The following LRRC28 variants were observed in gnomAD, a reference collection of about 807,000 sequenced individuals.
LRRC28 encodes the protein leucine-rich repeat-containing protein 28.
LRRC28 carries 39 observed loss-of-function variants against 45.7 expected under a neutral mutation model. That is an observed-to-expected ratio of 0.85 (90% CI 0.66 to 1.12). The LOEUF is 1.12. LRRC28 is among the 50% of genes most tolerant of loss of function. The pLI is 0.00. For missense variants in LRRC28, 435 were observed against 438.5 expected (o/e 0.99, Z 0.07); for synonymous variants, 206 against 178.8 (o/e 1.15, Z -1.22).
At chr15:99,281,834 T>A (rs2081800996) in intron 3 of LRRC28, among the ~76,000 whole-genome samples, 1 of 152,200 alleles carries the variant, frequency 6.6e-6, no homozygotes, top group African/African-American at 2.4e-5. Context: ...CTTGAATACC[T>A]CAAATGATCA....
In LRRC28 at chr15:99,387,855, C is replaced by T. The variant is rs1382855526; in HGVS notation, c.*1753C>T. ...TGACTTTATAATGCTACGCTCTTAACAGTGCCAAAAATCCTACATAGTTAC... is the reference window on the plus strand; with the variant it reads ...TGACTTTATAATGCTACGCTCTTAATAGTGCCAAAAATCCTACATAGTTAC... On this transcript the variant is annotated 3_prime_UTR_variant, in exon 10 of 10. Transcript: ENST00000301981. 1.3e-5 allele frequency: 2 copies of T among 152,130 alleles called. No individual in the cohort carries two copies. The highest frequency in any genetic ancestry group is 2.9e-5 in the Non-Finnish European group (2 of 68,020). The allele number at this position is 152,130 out of a possible 1,614,324, so 9.4% of individuals were successfully genotyped here. A position where few individuals can be genotyped will look rare whatever the true frequency, so the allele number is the denominator to read the frequency against.
intron 5 of LRRC28, among the ~76,000 whole-genome samples, chr15:99,315,002 C>T (rs1190729958): frequency 1.3e-5 from 2 of 152,052 alleles, no homozygotes; most frequent in East Asian, 1.9e-4. Flanking sequence ...ATTTTATTTA[C>T]ATAGGGTGTT....
chr15:99,339,955 T>A (rs1956452028), intron 6 of LRRC28, among the ~76,000 whole-genome samples: 1 of 152,220 alleles, frequency 6.6e-6, no homozygotes, highest in South Asian at 2.1e-4. Context: ...TTGTGCTACA[T>A]AATGAAATGA....
intron 5 of LRRC28, among the ~76,000 whole-genome samples, chr15:99,308,078 A>G (rs1264893151): frequency 6.6e-6 from 1 of 152,236 alleles, no homozygotes; most frequent in African/African-American, 2.4e-5. Flanking sequence ...GAGTGTTAGC[A>G]GAACTGTTGG....
At chr15:99,354,806 C>G (rs965016471) in intron 7 of LRRC28, among the ~76,000 whole-genome samples, 1 of 152,182 alleles carries the variant, frequency 6.6e-6, no homozygotes, top group Non-Finnish European at 1.5e-5. Flanking sequence ...TCACTGCTAT[C>G]ATATGTTGCA....
chr15:99,277,320 G>GA (rs1295942045), intron 3 of LRRC28, among the ~76,000 whole-genome samples: 1 of 151,756 alleles, frequency 6.6e-6, no homozygotes, highest in Non-Finnish European at 1.5e-5. Context: ...CTTTCATTTT[G>GA]AAAAAAATTT....
intron 2 of LRRC28, among the ~76,000 whole-genome samples, chr15:99,276,286 AC>A (rs138358753): frequency 0.078 from 11,910 of 151,894 alleles, 529 homozygotes; most frequent in African/African-American, 0.11. Context: ...TCCCCAAACC[AC>A]CCCCACAACC....
At chr15:99,372,255 A>G (rs897585563) in intron 9 of LRRC28, among the ~76,000 whole-genome samples, 2 of 152,226 alleles carry the variant, frequency 1.3e-5, no homozygotes, top group Admixed American at 6.5e-5. Context: ...CTTTTAAGGA[A>G]TAGTGGTATT....
intron 6 of LRRC28, among the ~76,000 whole-genome samples, chr15:99,344,287 A>G (rs1010794309): frequency 2.6e-5 from 4 of 152,076 alleles, no homozygotes; most frequent in African/African-American, 9.7e-5. Context: ...AGAACATTTC[A>G]TTTCCCTTCA....
chr15:99,379,202 C>T (rs1293875240), intron 9 of LRRC28, among the ~76,000 whole-genome samples: 1 of 152,130 alleles, frequency 6.6e-6, no homozygotes, highest in Non-Finnish European at 1.5e-5. Flanking sequence ...TTAATTATTG[C>T]CTCAATTTCA....
intron 5 of LRRC28, among the ~76,000 whole-genome samples, chr15:99,326,303 G>T (rs1955975020): frequency 6.6e-6 from 1 of 152,182 alleles, no homozygotes; most frequent in African/African-American, 2.4e-5. Context: ...TTAGGGTCCA[G>T]ATATCATTTT....
intron 6 of LRRC28, among the ~76,000 whole-genome samples, chr15:99,342,497 C>A (rs1392887840): frequency 2.0e-5 from 3 of 152,172 alleles, no homozygotes; most frequent in Non-Finnish European, 4.4e-5. Flanking sequence ...TACTTCATAG[C>A]ACGATTGTGA....
At chr15:99,347,467 A>G (rs2152311195) in intron 6 of LRRC28, among the ~76,000 whole-genome samples, 1 of 152,358 alleles carries the variant, frequency 6.6e-6, no homozygotes, top group East Asian at 1.9e-4. Flanking sequence ...TTGGCCTCCC[A>G]AAGTGCTGGG....
chr15:99,275,797 A>G (rs2081602231), intron 2 of LRRC28, among the ~76,000 whole-genome samples: 1 of 152,008 alleles, frequency 6.6e-6, no homozygotes. Context: ...TGTGAAGCAC[A>G]TTTTTATTTC....
rs114710939 is a variant in LRRC28 at position 99,319,043 on chromosome 15, T to C, written c.386-14880T>C. The stretch of plus-strand genomic sequence containing the variant: ...AAAGTGAGATGAAAGCAGTCATCAT[T>C]ATTATATCATTCTTTCCAGCAAGTA... On this transcript the variant is annotated intron_variant, in intron 5 of 9. Coordinates refer to ENST00000301981, the MANE Select transcript of LRRC28 (RefSeq NM_144598.5). Among the ~76,000 whole-genome samples, 678 of 152,262 alleles carry C rather than the reference T, an allele frequency of 4.5e-3. 7 individuals are homozygous for C. Among genetic ancestry groups the C allele is most frequent in the African/African-American group, 0.016 (655 of 41,576 alleles).
intron 9 of LRRC28, among the ~76,000 whole-genome samples, chr15:99,375,545 C>A (rs1452321336): frequency 6.6e-6 from 1 of 152,132 alleles, no homozygotes; most frequent in East Asian, 1.9e-4. Flanking sequence ...TAAAACTTTT[C>A]AAAAATTTAT....
At chr15:99,358,156 T>G (rs1336507703) in intron 7 of LRRC28, among the ~76,000 whole-genome samples, 1 of 152,216 alleles carries the variant, frequency 6.6e-6, no homozygotes, top group Non-Finnish European at 1.5e-5. Context: ...TTTCTTTATG[T>G]CTTCGTAAAT....
chr15:99,266,820 GTAT>G (rs571667456), intron 2 of LRRC28, among the ~76,000 whole-genome samples: 152 of 152,312 alleles, frequency 1.0e-3, no homozygotes, highest in Non-Finnish European at 1.7e-3. Flanking sequence ...CAAATGACAT[GTAT>G]TATTTAATCC....
intron 5 of LRRC28, chr15:99,326,694 A>T (rs1216064693): frequency 6.6e-6 from 1 of 152,006 alleles, no homozygotes; most frequent in African/African-American, 2.4e-5. Context: ...GCTTTTGTAG[A>T]TTCTCTTTCC....
Sources: allele counts gnomAD v4.1 joint callset (sites outside exome capture counted in the v4.1 genomes callset), GRCh38; gene constraint gnomAD v4.1.1; transcripts MANE v1.5; gene names NCBI Gene and HGNC (gene_info 2026-07-23, HGNC 2026-07-21).